UBE3C: variants seen among roughly 807,000 people sequenced by gnomAD.
UBE3C encodes ubiquitin protein ligase E3C.
In UBE3C, 42 loss-of-function variants were observed where a neutral mutation model predicts 129.4. That is an observed-to-expected ratio of 0.32 (90% CI 0.25 to 0.42). The LOEUF is 0.42. Ranked by LOEUF, UBE3C falls within the 10% of genes least tolerant of loss-of-function variation. The pLI is 1.00. For synonymous variants in UBE3C, 510 were observed against 492.4 expected (o/e 1.04, Z -0.47); for missense variants, 1,049 against 1,319.1 (o/e 0.80, Z 3.17).
intron 1 of UBE3C, among the ~76,000 whole-genome samples, chr7:157,159,155 T>C (rs531008137): frequency 6.6e-6 from 1 of 152,198 alleles, no homozygotes; most frequent in Non-Finnish European, 1.5e-5. Context: ...TTGACTGTTA[T>C]CTCAAGAAGA....
In UBE3C at chr7:157,268,494, G is replaced by GGA. The variant is rs974369488; in HGVS notation, c.*739_*740insGA. The GGA allele has an allele frequency of 2.0e-5, 3 of 152,628 alleles. No individual in the cohort carries two copies. The highest frequency in any genetic ancestry group is 7.2e-5 in the African/African-American group (3 of 41,458). 9.5% of individuals were successfully genotyped at this position (152,628 alleles called of 1,614,324 possible). On this transcript the variant is annotated 3_prime_UTR_variant, in exon 23 of 23. Transcript: ENST00000348165. ...CAGGGGAGGTGGAGGAGGAGGGTCTGCCAAGCTACTGCAACATCTGTCACC... is the reference window on the plus strand; with the variant it reads ...CAGGGGAGGTGGAGGAGGAGGGTCTGGACCAAGCTACTGCAACATCTGTCACC...
intron 1 of UBE3C, among the ~76,000 whole-genome samples, chr7:157,152,297 A>T (rs1181971011): frequency 2.6e-5 from 4 of 152,164 alleles, no homozygotes; most frequent in African/African-American, 9.7e-5. Flanking sequence ...AGGCATATTC[A>T]GGGAGGACTG....
chr7:157,177,945 AAG>A lies in UBE3C; in HGVS notation c.459-743_459-742del, dbSNP rs1251343440. On this transcript the variant is annotated intron_variant, in intron 5 of 22. Coordinates refer to ENST00000348165, the MANE Select transcript of UBE3C (RefSeq NM_014671.3). ...ATGGATTCTGTTTTTTTTTTTTTTT[AAG>A]AAAAAGGAAAAACAGCTGTAAAATA... Among the ~76,000 whole-genome samples, 44 of 126,214 alleles carry A rather than the reference AAG, an allele frequency of 3.5e-4. 1 individual carries two copies. Among genetic ancestry groups the A allele is most frequent in the African/African-American group, 1.3e-3 (39 of 30,956 alleles). The allele number at this position is 126,214 out of a possible 152,430, so 82.8% of individuals were successfully genotyped here.
At chr7:157,230,395 G>GAAAAAAA (rs59540123) in intron 17 of UBE3C, among the ~76,000 whole-genome samples, 1 of 138,002 alleles carries the variant, frequency 7.2e-6, no homozygotes, top group Admixed American at 7.2e-5. Flanking sequence ...ATAAGCTTTT[G>GAAAAAAA]AAAAAAAAAA....
At chr7:157,146,927 G>T (rs1365048973) in intron 1 of UBE3C, among the ~76,000 whole-genome samples, 2 of 152,116 alleles carry the variant, frequency 1.3e-5, no homozygotes, top group South Asian at 4.1e-4. Flanking sequence ...CTGGGGTTAC[G>T]GGAGTGAGAC....
At chr7:157,233,772 A>G (rs1307037497) in intron 18 of UBE3C, among the ~76,000 whole-genome samples, 1 of 152,266 alleles carries the variant, frequency 6.6e-6, no homozygotes, top group African/African-American at 2.4e-5. Context: ...TAGGTCATAC[A>G]GTACTCCACG....
intron 22 of UBE3C, among the ~76,000 whole-genome samples, chr7:157,257,852 T>C (rs1270607047): frequency 2.0e-5 from 3 of 151,512 alleles, no homozygotes; most frequent in Non-Finnish European, 2.9e-5. Flanking sequence ...CACAGTGGTA[T>C]ATATATTATA....
At chr7:157,207,609 A>T (rs945352973) in intron 12 of UBE3C, 54 bp downstream of exon 12, 7 of 1,593,200 alleles carry the variant, frequency 4.4e-6, no homozygotes, top group Non-Finnish European at 6.0e-6. Context: ...ATCAGTTTTC[A>T]TAGACAGTAG....
Position 157,268,016 on chromosome 7 carries a change from G to A in UBE3C, c.*261G>A, listed in dbSNP as rs1797126368. On this transcript the variant is annotated 3_prime_UTR_variant, in exon 23 of 23. Transcript: ENST00000348165. ...GCTACTTTAGTAATATTGCCAAGAA[G>A]AGCACAGTTTTTACACTAGTGGCAT... 3 of 311,098 alleles carry A rather than the reference G, an allele frequency of 9.6e-6. No homozygotes were observed. The South Asian group carries it at 1.8e-4, about 19-fold the overall frequency. 19.3% of individuals were successfully genotyped at this position (311,098 alleles called of 1,614,324 possible). A position where few individuals can be genotyped will look rare whatever the true frequency, so the allele number is the denominator to read the frequency against.
At chr7:157,236,186 G>A (rs6949802) in intron 18 of UBE3C, among the ~76,000 whole-genome samples, 51,039 of 152,082 alleles carry the variant, frequency 0.34, 11,599 homozygotes, top group African/African-American at 0.64. Context: ...TGTAAGTCAG[G>A]CTGCAGACAG....
At chr7:157,176,381 TCTC>T (rs1808518226) in intron 5 of UBE3C, among the ~76,000 whole-genome samples, 1 of 152,210 alleles carries the variant, frequency 6.6e-6, no homozygotes, top group African/African-American at 2.4e-5. Flanking sequence ...TTCAAGCAGT[TCTC>T]CTGCTTCAGC....
At chr7:157,225,340 T>G in intron 16 of UBE3C, 67 bp from the exon 17 acceptor site, 3 of 1,529,008 alleles carry the variant, frequency 2.0e-6, no homozygotes, top group Non-Finnish European at 2.6e-6. Context: ...ATTTAGCAGT[T>G]TATTCTTTGG....
At chr7:157,159,195 A>G (rs1807998828) in intron 1 of UBE3C, among the ~76,000 whole-genome samples, 1 of 152,190 alleles carries the variant, frequency 6.6e-6, no homozygotes, top group Admixed American at 6.5e-5. Context: ...TCAAACTTTC[A>G]CCATGGCATA....
intron 1 of UBE3C, among the ~76,000 whole-genome samples, chr7:157,148,604 T>C (rs890006260): frequency 6.6e-6 from 1 of 152,152 alleles, no homozygotes; most frequent in Non-Finnish European, 1.5e-5. Flanking sequence ...TATTTTGTTT[T>C]AAAAAGCAGA....
At chr7:157,231,601 G>T (rs572544316) in intron 18 of UBE3C, 8 of 408,520 alleles carry the variant, frequency 2.0e-5, no homozygotes, top group African/African-American at 1.2e-4. Context: ...ATGTGAGCTC[G>T]GCCGTCATGA....
chr7:157,140,540 A>T (rs1010696491), intron 1 of UBE3C, among the ~76,000 whole-genome samples: 1 of 152,214 alleles, frequency 6.6e-6, no homozygotes, highest in Non-Finnish European at 1.5e-5. Flanking sequence ...ATGAGATCAA[A>T]GGATTTCTAC....
At chr7:157,179,129 C>T (rs1312408069) in intron 6 of UBE3C, among the ~76,000 whole-genome samples, 2 of 151,734 alleles carry the variant, frequency 1.3e-5, no homozygotes, top group African/African-American at 2.4e-5. Context: ...TCAGTTGTCC[C>T]GTCATCCAAG....
At position 157,216,929 on chromosome 7, in the gene UBE3C, A is replaced by G; in HGVS notation, c.1872A>G (p.Pro624=). The G allele has an allele frequency of 6.2e-7, 1 of 1,614,210 alleles. No individual in the cohort carries two copies. The highest frequency in any genetic ancestry group is 8.5e-7 in the Non-Finnish European group (1 of 1,180,030). The change falls in exon 14 of 23, where the codon CCA becomes CCG. Residue 624 remains proline, a synonymous_variant. Transcript: ENST00000348165. The stretch of plus-strand genomic sequence containing the variant: ...ACACGAGGAGAAATTTTTGTCCTCC[A>G]AACCACTGGCTGTCAGAACAAGAAG... ...SRDTRRNFCP[P]NHWLSEQEDI... is the part of the protein sequence containing the mutation.
intron 10 of UBE3C, among the ~76,000 whole-genome samples, chr7:157,191,989 G>A (rs1482559470): frequency 1.3e-5 from 2 of 152,156 alleles, no homozygotes; most frequent in Non-Finnish European, 2.9e-5. Context: ...TCTCTTTCAT[G>A]AAGTTCAAAT....
Sources: gnomAD v4.1 joint callset for allele counts (sites outside exome capture counted in the v4.1 genomes callset) on GRCh38, gnomAD v4.1.1 for gene constraint, MANE v1.5 for transcripts, NCBI Gene and HGNC (gene_info 2026-07-23, HGNC 2026-07-21) for gene names.